The following STK17A variants were observed in gnomAD, a reference collection of about 807,000 sequenced individuals.
The protein encoded by STK17A is serine/threonine kinase 17a, also known as serine/threonine-protein kinase 17A.
STK17A carries 26 observed loss-of-function variants against 43.7 expected under a neutral mutation model. That is an observed-to-expected ratio of 0.60 (90% CI 0.44 to 0.83). STK17A has a LOEUF of 0.83. Ranked by LOEUF, STK17A falls within the 40% of genes least tolerant of loss-of-function variation. The pLI is 0.00. For missense variants in STK17A, 476 were observed against 511.6 expected, an observed-to-expected ratio of 0.93 and a Z score of 0.67; for synonymous variants, 191 against 182.5, an observed-to-expected ratio of 1.05 and a Z score of -0.38.
chr7:43,592,689 A>T (rs1371348394), intron 1 of STK17A, among the ~76,000 whole-genome samples: 3 of 76,966 alleles, frequency 3.9e-5, no homozygotes, highest in Non-Finnish European at 9.3e-5. Context: ...ATCTGTACTA[A>T]AAAAAAAAAA....
chr7:43,602,998 C>T lies in STK17A; in HGVS notation c.420-5258C>T, dbSNP rs188188538. The stretch of plus-strand genomic sequence containing the variant: ...GTTTCATTGCTCAAGCTAGAAACCT[C>T]GAAGTTATCCTTAATTCCTTTTTCC... On this transcript the variant is annotated intron_variant, in intron 2 of 6. Coordinates refer to ENST00000319357, the MANE Select transcript of STK17A (RefSeq NM_004760.3). Among the ~76,000 whole-genome samples, 110 of 152,148 alleles carry T rather than the reference C, an allele frequency of 7.2e-4. 1 individual carries two copies. The highest frequency in any genetic ancestry group is 3.2e-3 in the Admixed American group (49 of 15,278).
At chr7:43,605,410 C>T (rs1369821937) in intron 2 of STK17A, among the ~76,000 whole-genome samples, 1 of 152,174 alleles carries the variant, frequency 6.6e-6, no homozygotes, top group African/African-American at 2.4e-5. Flanking sequence ...TTCGTTGCCC[C>T]AGTGTTTAGA....
At chr7:43,601,330 C>T (rs764037636) in intron 2 of STK17A, among the ~76,000 whole-genome samples, 1 of 152,152 alleles carries the variant, frequency 6.6e-6, no homozygotes, top group Non-Finnish European at 1.5e-5. Context: ...AAGTATTTGT[C>T]ACAGTGCATT....
intron 3 of STK17A, among the ~76,000 whole-genome samples, chr7:43,618,003 T>C (rs2083499328): frequency 2.0e-5 from 3 of 152,190 alleles, no homozygotes; most frequent in South Asian, 4.2e-4. Flanking sequence ...GAAAAAAGCA[T>C]TGAAGAATAT....
At chr7:43,620,739 G>A (rs1480205816) in intron 4 of STK17A, among the ~76,000 whole-genome samples, 7 of 151,992 alleles carry the variant, frequency 4.6e-5, no homozygotes, top group African/African-American at 1.7e-4. Flanking sequence ...GTAATTATGA[G>A]GCCTTGGATA....
chr7:43,608,768 T>A (rs1279395351), intron 3 of STK17A: 1 of 161,170 alleles, frequency 6.2e-6, no homozygotes, highest in African/African-American at 2.4e-5. Flanking sequence ...ATGGAATCAT[T>A]TCACTGGAAT....
intron 1 of STK17A, among the ~76,000 whole-genome samples, chr7:43,594,032 G>C (rs1305672981): frequency 6.6e-6 from 1 of 152,130 alleles, no homozygotes; most frequent in Non-Finnish European, 1.5e-5. Context: ...TGCTTTGATC[G>C]ATTATACCTG....
At chr7:43,587,737 A>G (rs984123769) in intron 1 of STK17A, among the ~76,000 whole-genome samples, 1 of 151,624 alleles carries the variant, frequency 6.6e-6, no homozygotes, top group African/African-American at 2.4e-5. Context: ...AGATTTCTTG[A>G]CAGCTAGTCA....
chr7:43,600,938 T>A (rs115943777), intron 2 of STK17A, among the ~76,000 whole-genome samples: 1,663 of 152,274 alleles, frequency 0.011, 28 homozygotes, highest in African/African-American at 0.036. Context: ...TGCAAAGATA[T>A]GTTACCAAAA....
In STK17A at chr7:43,624,765, G is replaced by A; in HGVS notation, c.1168G>A (p.Glu390Lys). ...CAGACAGTCTGAAAAAGAGAAAATGGAGCAAAAGGCCATTTCCAAACGATT... is the reference window on the plus strand; with the variant it reads ...CAGACAGTCTGAAAAAGAGAAAATGAAGCAAAAGGCCATTTCCAAACGATT... ...QCRQSEKEKM[E>K]QKAISKRFKF... Residue 390 changes from glutamate (E) to lysine (K), a missense_variant, in exon 7 of 7, where the codon GAG (glutamate) becomes AAG (lysine). By Grantham distance (56) the Glu-to-Lys change is moderately conservative (BLOSUM62 1). Around this residue, in one of 3 missense-constraint regions of STK17A, gnomAD observed 110 missense variants for 103.7 expected, o/e 1.06. Transcript: ENST00000319357. 1 of 1,613,288 alleles carries A rather than the reference G, an allele frequency of 6.2e-7. No homozygotes were observed. The highest frequency in any genetic ancestry group is 1.1e-5 in the South Asian group (1 of 90,926).
intron 1 of STK17A, among the ~76,000 whole-genome samples, chr7:43,583,865 C>T (rs1038793610): frequency 6.6e-6 from 1 of 152,162 alleles, no homozygotes; most frequent in African/African-American, 2.4e-5. Context: ...TCTTGGTCTG[C>T]CTGTGTGGTT....
chr7:43,602,870 A>G (rs1490395988), intron 2 of STK17A, among the ~76,000 whole-genome samples: 1 of 151,810 alleles, frequency 6.6e-6, no homozygotes, highest in East Asian at 1.9e-4. Context: ...GCAGATCATT[A>G]TTGGTCAATA....
chr7:43,601,203 T>C (rs760543679), intron 2 of STK17A, among the ~76,000 whole-genome samples: 4 of 152,242 alleles, frequency 2.6e-5, no homozygotes, highest in Non-Finnish European at 5.9e-5. Context: ...GGCTAAAATA[T>C]TAAGCATGTT....
chr7:43,589,145 A>C (rs561984848), intron 1 of STK17A, among the ~76,000 whole-genome samples: 1 of 151,620 alleles, frequency 6.6e-6, no homozygotes, highest in South Asian at 2.1e-4. Context: ...TCATGAGGTT[A>C]AGTTGCCATA....
chr7:43,606,027 T>C (rs1007493686), intron 2 of STK17A, among the ~76,000 whole-genome samples: 10 of 151,458 alleles, frequency 6.6e-5, no homozygotes, highest in Admixed American at 5.3e-4. Flanking sequence ...ATTTTTTTTT[T>C]CTACTTCCTT....
At chr7:43,624,375 A>G in intron 6 of STK17A, 143 bp from the exon 7 acceptor site, 2 of 791,252 alleles carry the variant, frequency 2.5e-6, no homozygotes, top group Non-Finnish European at 3.8e-6. Flanking sequence ...TTCCAAGACT[A>G]ATAGTTTTAT....
Position 43,624,786 on chromosome 7 carries a change from C to G in STK17A, c.1189C>G (p.Arg397Gly). ...AATGGAGCAAAAGGCCATTTCCAAA[C>G]GATTTAAATTTGAGGAACCTTTGCT... ...EKMEQKAISK[R>G]FKFEEPLLQE... Residue 397 changes from arginine (R) to glycine (G), a missense_variant, in exon 7 of 7, where the codon CGA becomes GGA. Around this residue, in one of 3 missense-constraint regions of STK17A, gnomAD observed 110 missense variants for 103.7 expected, o/e 1.06. Transcript: ENST00000319357. 6.2e-7 allele frequency: 1 copy of G among 1,611,606 alleles called. No individual in the cohort carries two copies.
chr7:43,589,892 A>G (rs1053193027), intron 1 of STK17A, among the ~76,000 whole-genome samples: 4 of 150,212 alleles, frequency 2.7e-5, no homozygotes, highest in African/African-American at 9.7e-5. Context: ...GTTTTGTTTT[A>G]TTTTATTTTA....
chr7:43,605,038 T>A (rs1344841918), intron 2 of STK17A, among the ~76,000 whole-genome samples: 1 of 152,214 alleles, frequency 6.6e-6, no homozygotes, highest in African/African-American at 2.4e-5. Flanking sequence ...TTGGTTCTTT[T>A]TGTAACCTCC....
Sources: allele counts gnomAD v4.1 joint callset (sites outside exome capture counted in the v4.1 genomes callset), GRCh38; gene constraint gnomAD v4.1.1; regional missense constraint gnomAD v4.1.1; transcripts MANE v1.5; gene names NCBI Gene and HGNC (gene_info 2026-07-23, HGNC 2026-07-21).